The following CLCN1 variants were observed in gnomAD, a reference collection of about 807,000 sequenced individuals.
The protein encoded by CLCN1 is chloride channel protein 1.
A neutral mutation model predicts 114.5 loss-of-function variants in CLCN1; 100 were observed. The observed-to-expected ratio is 0.87, with a 90% CI of 0.74 to 1.03. CLCN1 has a LOEUF of 1.03. CLCN1 is among the 50% of genes least tolerant of loss of function. The pLI, the probability that CLCN1 is intolerant of heterozygous loss-of-function variation, is 0.00. For missense variants in CLCN1, 1,188 were observed against 1,250.0 expected (o/e 0.95, Z 0.75); for synonymous variants, 485 against 487.1 (o/e 1.00, Z 0.06).
chr7:143,325,865 A>G (rs1802559356), intron 7 of CLCN1, among the ~76,000 whole-genome samples: 1 of 152,236 alleles, frequency 6.6e-6, no homozygotes, highest in African/African-American at 2.4e-5. Context: ...ACTGTGGTAG[A>G]AAAAGGAAGA....
chr7:143,341,380 A>G (rs1238057906), intron 14 of CLCN1, among the ~76,000 whole-genome samples: 1 of 152,038 alleles, frequency 6.6e-6, no homozygotes, highest in Non-Finnish European at 1.5e-5. Context: ...CCAACATGAC[A>G]AAACCCTGTT....
chr7:143,331,429 C>T, intron 9 of CLCN1, 113 bp downstream of exon 9: 1 of 1,121,710 alleles, frequency 8.9e-7, no homozygotes, highest in South Asian at 1.2e-5. Flanking sequence ...GAGTACATTG[C>T]TGGGGGGATG....
Position 143,331,260 on chromosome 7 carries a change from T to C in CLCN1, c.1008T>C (p.Asn336=), listed in dbSNP as rs1336739603. ...CCATCACTGCTCTGTTCAGAACCAA[T>C]TTCCGAATGGATTTCCCCTTTGACC... ...AVTITALFRT[N]FRMDFPFDLK... Residue 336 remains asparagine (N), a synonymous_variant, in exon 9 of 23, where the codon AAT becomes AAC. Coordinates refer to ENST00000343257, the MANE Select transcript of CLCN1 (RefSeq NM_000083.3). 1 of 1,613,770 alleles carries C rather than the reference T, an allele frequency of 6.2e-7. No individual in the cohort carries two copies. The highest frequency in any genetic ancestry group is 1.1e-5 in the South Asian group (1 of 91,080).
At chr7:143,331,820 T>G (rs1205341799) in intron 10 of CLCN1, among the ~76,000 whole-genome samples, 168 bp downstream of exon 10, 1 of 152,136 alleles carries the variant, frequency 6.6e-6, no homozygotes, top group African/African-American at 2.4e-5. Context: ...GTCTCCCATT[T>G]AAAGATTATT....
intron 7 of CLCN1, among the ~76,000 whole-genome samples, chr7:143,330,114 C>A (rs939178720): frequency 7.9e-5 from 12 of 152,174 alleles, no homozygotes; most frequent in Non-Finnish European, 1.3e-4. Flanking sequence ...TTGGTTTTTC[C>A]CCTTGCGTTG....
At position 143,339,938 on chromosome 7, in the gene CLCN1, G is replaced by A. The variant is rs545244297; in HGVS notation, c.1582+317G>A. Among the ~76,000 whole-genome samples the A allele has an allele frequency of 1.3e-5, 2 of 152,140 alleles. No individual in the cohort carries two copies. The highest frequency in any genetic ancestry group is 4.8e-5 in the African/African-American group (2 of 41,420). On this transcript the variant is annotated intron_variant, in intron 14 of 22. Transcript: ENST00000343257. The surrounding 1 kb of genome is among the most constrained non-coding windows in gnomAD (Gnocchi z 4.1). ...CAAGAATCATGGAACCAACAATGCA[G>A]GTGATTGGCTCAGGTTGCAGGTGAT...
At position 143,340,824 on chromosome 7, in the gene CLCN1, T is replaced by C. The variant is rs541085768; in HGVS notation, c.1583-1105T>C. 7.2e-5 allele frequency among the ~76,000 whole-genome samples: 11 copies of C among 152,366 alleles called. No homozygotes were observed. In the East Asian group the frequency reaches 2.1e-3, roughly 29 times the overall value. On this transcript the variant is annotated intron_variant, in intron 14 of 22. Coordinates refer to ENST00000343257, the MANE Select transcript of CLCN1 (RefSeq NM_000083.3). Reference sequence around the variant, plus strand: ...CTAGGATTACAGGCATAAGCCACCATGCCCGGCTGACTTTTTCTTGTTACA... The same window carrying C: ...CTAGGATTACAGGCATAAGCCACCACGCCCGGCTGACTTTTTCTTGTTACA...
intron 7 of CLCN1, among the ~76,000 whole-genome samples, chr7:143,329,325 A>G (rs529645393): frequency 6.6e-6 from 1 of 152,262 alleles, no homozygotes; most frequent in Admixed American, 6.5e-5. Flanking sequence ...TGGATCTGAA[A>G]GTGGTAGTGC....
chr7:143,348,802 G>C, intron 20 of CLCN1, among the ~76,000 whole-genome samples: 1 of 152,106 alleles, frequency 6.6e-6, no homozygotes, highest in Non-Finnish European at 1.5e-5. Flanking sequence ...TCAAGTAGTG[G>C]AACACACCAG....
intron 7 of CLCN1, among the ~76,000 whole-genome samples, chr7:143,325,448 G>A (rs1802551445): frequency 6.6e-6 from 1 of 152,196 alleles, no homozygotes. Flanking sequence ...CAAACACTGT[G>A]GCAAAGCACA....
rs543471730 is a variant in CLCN1, at chr7:143,339,065, T to C, written c.1402-188T>C. 1.7e-4 allele frequency among the ~76,000 whole-genome samples: 26 copies of C among 152,292 alleles called. 1 individual carries two copies. Among genetic ancestry groups the C allele is most frequent in the African/African-American group, 5.8e-4 (24 of 41,578 alleles). ...GAGGAACCTTCTGATAGTATTGTCTTTGGTGATCTCTTAGCCTGAGAGCTC... is the reference window on the plus strand; with the variant it reads ...GAGGAACCTTCTGATAGTATTGTCTCTGGTGATCTCTTAGCCTGAGAGCTC... On this transcript the variant is annotated intron_variant, in intron 12 of 22. Coordinates refer to ENST00000343257, the MANE Select transcript of CLCN1 (RefSeq NM_000083.3). This position sits in a 1 kb window ranked among gnomAD's most constrained non-coding sequence, Gnocchi z 4.1.
rs2116852983 is a variant in CLCN1 at position 143,331,290 on chromosome 7, G to A, written c.1038G>A (p.Lys346=). The change falls in exon 9 of 23, where the codon AAG becomes AAA. Residue 346 remains lysine (K), a synonymous_variant. Coordinates refer to ENST00000343257, the MANE Select transcript of CLCN1 (RefSeq NM_000083.3). ...NFRMDFPFDL[K]ELPAFAAIGI... is the part of the protein sequence containing the mutation. ...GAATGGATTTCCCCTTTGACCTGAA[G>A]GAACTACCAGCTTTTGCTGCCATCG... The A allele has an allele frequency of 1.2e-6, 2 of 1,613,364 alleles. No homozygotes were observed. Among genetic ancestry groups the A allele is most frequent in the Non-Finnish European group, 1.7e-6 (2 of 1,179,276 alleles).
At chr7:143,342,620 T>C in intron 16 of CLCN1, 115 bp downstream of exon 16, 6 of 1,055,306 alleles carry the variant, frequency 5.7e-6, no homozygotes. Flanking sequence ...CAATGTGCTA[T>C]GTACAAGGAA....
chr7:143,320,575 CTCTCTCTCTCTG>C (rs1307861674), intron 2 of CLCN1, 77 bp from the exon 3 acceptor site: 2 of 1,047,408 alleles, frequency 1.9e-6, no homozygotes, highest in African/African-American at 1.7e-5. Context: ...CTCTCTCTCT[CTCTCTCTCTCTG>C]TCTCTACATA....
Position 143,324,279 on chromosome 7 carries a change from G to T in CLCN1, c.775-135G>T. The T allele has an allele frequency of 4.1e-6, 3 of 735,958 alleles. No homozygotes were observed. Among genetic ancestry groups the T allele is most frequent in the Non-Finnish European group, 7.5e-6 (3 of 399,594 alleles). The allele number at this position is 735,958 out of a possible 1,614,324, so 45.6% of individuals were successfully genotyped here. A position where few individuals can be genotyped will look rare whatever the true frequency, so the allele number is the denominator to read the frequency against. ...TTTCTCTTGGCCTGGGAATCACAGGGGACATGGGACCACAAGGACTCCTTT... is the reference window on the plus strand; with the variant it reads ...TTTCTCTTGGCCTGGGAATCACAGGTGACATGGGACCACAAGGACTCCTTT... On this transcript the variant is annotated intron_variant, in intron 6 of 22. Transcript: ENST00000343257. The surrounding 1 kb of genome is among the most constrained non-coding windows in gnomAD (Gnocchi z 4.6).
chr7:143,316,193 G>T lies in CLCN1; in HGVS notation c.-20G>T. On this transcript the variant is annotated 5_prime_UTR_variant, in exon 1 of 23. Coordinates refer to ENST00000343257, the MANE Select transcript of CLCN1 (RefSeq NM_000083.3). ...GGGGCAAGCAGGCCAAGGCCTGGCC[G>T]GGGCTCGGGGGGAGGGAATATGGAG... 1 of 1,605,180 alleles carries T rather than the reference G, an allele frequency of 6.2e-7. No individual in the cohort carries two copies.
In CLCN1 at chr7:143,335,656, G is replaced by GTTTTTTTTTTTTTTT. The variant is rs199928109; in HGVS notation, c.1401+2787_1401+2788insTTTTTTTTTTTTTTT. Among the ~76,000 whole-genome samples, 3 of 107,236 alleles carry GTTTTTTTTTTTTTTT rather than the reference G, an allele frequency of 2.8e-5. 1 individual carries two copies. 70.4% of individuals were successfully genotyped at this position (107,236 alleles called of 152,430 possible). ...GGCAGGTAAGATTCTCAATTCAGCTGTTTTGTTTTTTTTTTTTTTTTGATT... is the reference window on the plus strand; with the variant it reads ...GGCAGGTAAGATTCTCAATTCAGCTGTTTTTTTTTTTTTTTTTTTGTTTTTTTTTTTTTTTTGATT... On this transcript the variant is annotated intron_variant, in intron 12 of 22. Coordinates refer to ENST00000343257, the MANE Select transcript of CLCN1 (RefSeq NM_000083.3).
intron 17 of CLCN1, 61 bp downstream of exon 17, chr7:143,345,823 TCTGGG>T (rs368460599): frequency 1.9e-5 from 29 of 1,565,768 alleles, no homozygotes; most frequent in Admixed American, 7.0e-5. Flanking sequence ...AAAAGCGTCG[TCTGGG>T]CTGGGCTGGG....
At chr7:143,344,794 A>G (rs531646060) in intron 16 of CLCN1, among the ~76,000 whole-genome samples, 176 of 138,372 alleles carry the variant, frequency 1.3e-3, no homozygotes, top group African/African-American at 4.7e-3. Context: ...CTTGTCGCCC[A>G]GGTTGGAGTG....
Sources: gnomAD v4.1 joint callset for allele counts (sites outside exome capture counted in the v4.1 genomes callset) on GRCh38, gnomAD v4.1.1 for gene constraint, Gnocchi (gnomAD v3.1) non-coding constraint, MANE v1.5 for transcripts, NCBI Gene and HGNC (gene_info 2026-07-23, HGNC 2026-07-21) for gene names.